Variants in ALDH4A1 observed in about 807,000 individuals in gnomAD.
ALDH4A1 encodes the protein delta-1-pyrroline-5-carboxylate dehydrogenase, mitochondrial.
Under a neutral mutation model 70.5 loss-of-function variants are expected in ALDH4A1, and 46 were observed. The observed-to-expected ratio is 0.65, with a 90% confidence interval of 0.51 to 0.83. The LOEUF is 0.83. Among genes scored for constraint, ALDH4A1 ranks in the 40% least tolerant of loss-of-function variants. ALDH4A1 has a pLI of 0.00. For missense variants in ALDH4A1, 749 were observed against 766.5 expected (o/e 0.98, Z 0.27); for synonymous variants, 323 against 324.3 (o/e 1.00, Z 0.04).
rs568253787 is a variant in ALDH4A1, at chr1:18,897,630, A to T, written c.62+4832T>A. On this transcript the variant is annotated intron_variant, in intron 1 of 14. Transcript: ENST00000375341. Reference sequence around the variant, plus strand: ...CGACCGTAGAATGATCTGTTTACGGATGAGGTTCAGAGTTACTCACTCCTG... The same window carrying T: ...CGACCGTAGAATGATCTGTTTACGGTTGAGGTTCAGAGTTACTCACTCCTG... Among the ~76,000 whole-genome samples the T allele has an allele frequency of 5.9e-5, 9 of 152,362 alleles. No homozygotes were observed. In the East Asian group the frequency reaches 1.7e-3, roughly 29 times the overall value.
In ALDH4A1 at chr1:18,889,509, C is replaced by T. The variant is rs896637516; in HGVS notation, c.157-55G>A. On this transcript the variant is annotated intron_variant, in intron 2 of 14. Transcript: ENST00000375341. ...CACCGCCTTCCTCGCTTCCTCCCATCTAAAACCCTAACGCAGAGTCCACAG... is the reference window on the plus strand; with the variant it reads ...CACCGCCTTCCTCGCTTCCTCCCATTTAAAACCCTAACGCAGAGTCCACAG... The T allele has an allele frequency of 5.3e-5, 78 of 1,467,532 alleles. No individual in the cohort carries two copies. The South Asian group carries it at 8.4e-4, about 16-fold the overall frequency. The allele number at this position is 1,467,532 out of a possible 1,614,324, so 90.9% of individuals were successfully genotyped here. A position where few individuals can be genotyped will look rare whatever the true frequency, so the allele number is the denominator to read the frequency against.
At chr1:18,889,232 A>C in intron 3 of ALDH4A1, 130 bp downstream of exon 3, 1 of 814,514 alleles carries the variant, frequency 1.2e-6, no homozygotes, top group Non-Finnish European at 2.0e-6. Context: ...AGAATTCAAA[A>C]TCTGGGGTGG....
Position 18,872,899 on chromosome 1 carries a change from G to A in ALDH4A1, c.1638C>T (p.Val546=), listed in dbSNP as rs1264783279. The change falls in exon 15 of 15, where the codon GTC becomes GTT. Residue 546 remains valine, a synonymous_variant. Transcript: ENST00000375341. The stretch of plus-strand genomic sequence containing the variant: ...CCAGGGGCTTATGTGTCTCCTTGAT[G>A]ACCTGCGGCGACGTCCAGCGCAGGA... ...HYILRWTSPQ[V]IKETHKPLGD... 3 of 1,613,994 alleles carry A rather than the reference G, an allele frequency of 1.9e-6. No individual in the cohort carries two copies. Among genetic ancestry groups the A allele is most frequent in the African/African-American group, 1.3e-5 (1 of 74,940 alleles).
At chr1:18,890,139 G>A (rs1322691312) in intron 1 of ALDH4A1, 34 bp from the exon 2 acceptor site, 8 of 1,553,336 alleles carry the variant, frequency 5.2e-6, no homozygotes, top group African/African-American at 4.1e-5. Flanking sequence ...GAGGCAGAGA[G>A]GTCAGCAGCG....
At position 18,883,216 on chromosome 1, in the gene ALDH4A1, G is replaced by A. The variant is rs373926482; in HGVS notation, c.604-18C>T. 8.4e-5 allele frequency: 135 copies of A among 1,613,012 alleles called. No individual in the cohort carries two copies. Among genetic ancestry groups the A allele is most frequent in the African/African-American group, 9.3e-5 (7 of 74,944 alleles). ...ACGAAGCCCTGGGGAAGGAGGCAGCGGTGAGATCAGGCCCATGGCATTGGG... is the reference window on the plus strand; with the variant it reads ...ACGAAGCCCTGGGGAAGGAGGCAGCAGTGAGATCAGGCCCATGGCATTGGG... On this transcript the variant is annotated intron_variant, in intron 6 of 14. Transcript: ENST00000375341.
chr1:18,885,456 G>GCCCCC lies in ALDH4A1; in HGVS notation c.453+16_453+17insGGGGG. The GCCCCC allele has an allele frequency of 3.7e-6, 2 of 541,846 alleles. No individual in the cohort carries two copies. The highest frequency in any genetic ancestry group is 1.8e-5 in the South Asian group (1 of 56,882). 33.6% of individuals were successfully genotyped at this position (541,846 alleles called of 1,614,324 possible). On this transcript the variant is annotated intron_variant, in intron 5 of 14. Coordinates refer to ENST00000375341, the MANE Select transcript of ALDH4A1 (RefSeq NM_003748.4). ...ACCCCACCCCGCCCCACCCACCCGG[G>GCCCCC]CCCACCAGCACCTCACCTGTCCCAC...
Position 18,877,520 on chromosome 1 carries a change from C to T in ALDH4A1, c.1033G>A (p.Gly345Ser). The change falls in exon 10 of 15, where the codon GGC (glycine) becomes AGC (serine). Residue 345 changes from glycine to serine, a missense_variant. Gly to Ser is a moderately conservative substitution (Grantham distance 56). Coordinates refer to ENST00000375341, the MANE Select transcript of ALDH4A1 (RefSeq NM_003748.4). ...GTLRSAFEYG[G>S]QKCSACSRLY... The stretch of plus-strand genomic sequence containing the variant: ...CGCGAGCACGCGGAACACTTCTGGC[C>T]ACCGTACTCGAAGGCTGAGCGGAGG... 1 of 1,611,590 alleles carries T rather than the reference C, an allele frequency of 6.2e-7. No individual in the cohort carries two copies. The highest frequency in any genetic ancestry group is 8.5e-7 in the Non-Finnish European group (1 of 1,179,276).
In ALDH4A1 at chr1:18,880,307, G is replaced by A. The variant is rs1934918694; in HGVS notation, c.867-934C>T. Reference sequence around the variant, plus strand: ...CAGATAACACCCGAAGTGACCAACAGGAGATTCATCTTCCCCCGAGCCCGC... The same window carrying A: ...CAGATAACACCCGAAGTGACCAACAAGAGATTCATCTTCCCCCGAGCCCGC... On this transcript the variant is annotated intron_variant, in intron 8 of 14. Coordinates refer to ENST00000375341, the MANE Select transcript of ALDH4A1 (RefSeq NM_003748.4). This position sits in a 1 kb window ranked among gnomAD's most constrained non-coding sequence, Gnocchi z 5.1. 2.0e-5 allele frequency among the ~76,000 whole-genome samples: 3 copies of A among 152,240 alleles called. No individual in the cohort carries two copies. In the South Asian group the frequency reaches 6.2e-4, roughly 32 times the overall value.
intron 1 of ALDH4A1, among the ~76,000 whole-genome samples, chr1:18,894,829 C>G (rs1371526354): frequency 6.6e-6 from 1 of 152,022 alleles, no homozygotes; most frequent in African/African-American, 2.4e-5. Context: ...CTAAGGACTC[C>G]CACCCATCAG....
intron 10 of ALDH4A1, 30 bp from the exon 11 acceptor site, chr1:18,877,285 G>A (rs1254811157): frequency 3.8e-6 from 6 of 1,594,350 alleles, no homozygotes; most frequent in Admixed American, 3.4e-5. Flanking sequence ...CAGAAGAGAC[G>A]AGTCACTGCA....
chr1:18,885,440 C>CCCCCCCCCCCCCCCCCCCCCCCCCA, intron 5 of ALDH4A1, 33 bp downstream of exon 5: 2 of 665,764 alleles, frequency 3.0e-6, no homozygotes, highest in Non-Finnish European at 5.4e-6. Context: ...CACCCCACCC[C>CCCCCCCCCCCCCCCCCCCCCCCCCA]GCCCCACCCA....
intron 11 of ALDH4A1, 88 bp from the exon 12 acceptor site, chr1:18,876,555 G>T: frequency 7.0e-7 from 1 of 1,426,348 alleles, no homozygotes; most frequent in Non-Finnish European, 9.4e-7. Flanking sequence ...CGAAACACCT[G>T]CACCTGAAGG....
At position 18,872,752 on chromosome 1, in the gene ALDH4A1, T is replaced by G; in HGVS notation, c.*93A>C. ...CGGATTATAGAAAGGCAGCTGTGCA[T>G]GAAGAAGGGGTGGAGGGGCTGGAGT... On this transcript the variant is annotated 3_prime_UTR_variant, in exon 15 of 15. Coordinates refer to ENST00000375341, the MANE Select transcript of ALDH4A1 (RefSeq NM_003748.4). 1.1e-6 allele frequency: 1 copy of G among 909,166 alleles called. No homozygotes were observed. The highest frequency in any genetic ancestry group is 1.8e-6 in the Non-Finnish European group (1 of 567,520). 56.3% of individuals were successfully genotyped at this position (909,166 alleles called of 1,614,324 possible). A position where few individuals can be genotyped will look rare whatever the true frequency, so the allele number is the denominator to read the frequency against.
intron 9 of ALDH4A1, 91 bp downstream of exon 9, chr1:18,879,209 G>T: frequency 7.5e-7 from 1 of 1,325,598 alleles, no homozygotes. Flanking sequence ...CTGACTTGTG[G>T]CTGGATCCCC....
intron 11 of ALDH4A1, among the ~76,000 whole-genome samples, chr1:18,876,889 A>G (rs1296784702): frequency 6.6e-6 from 1 of 152,168 alleles, no homozygotes; most frequent in Non-Finnish European, 1.5e-5. Flanking sequence ...ACGTGTTTAT[A>G]TGGAAAGACC....
intron 1 of ALDH4A1, among the ~76,000 whole-genome samples, chr1:18,896,825 A>G (rs556516732): frequency 2.0e-5 from 3 of 152,114 alleles, no homozygotes; most frequent in Admixed American, 1.3e-4. Flanking sequence ...CCCGGGAAGA[A>G]GAGGTTGGAG....
chr1:18,890,815 CCTCT>C, intron 1 of ALDH4A1: 1 of 985,492 alleles, frequency 1.0e-6, no homozygotes, highest in Non-Finnish European at 1.2e-6. Context: ...GACCCAAACT[CCTCT>C]CTCTAAGCTG....
chr1:18,877,376 C>G, intron 10 of ALDH4A1, 40 bp downstream of exon 10: 1 of 1,552,640 alleles, frequency 6.4e-7, no homozygotes, highest in Non-Finnish European at 8.7e-7. Context: ...ATCCCATCAG[C>G]CCCCCGCTGG....
chr1:18,897,628 G>A (rs1159466095), intron 1 of ALDH4A1, among the ~76,000 whole-genome samples: 4 of 152,214 alleles, frequency 2.6e-5, no homozygotes, highest in Non-Finnish European at 5.9e-5. Flanking sequence ...ATCTGTTTAC[G>A]GATGAGGTTC....
Sources: gnomAD v4.1 joint callset for allele counts (sites outside exome capture counted in the v4.1 genomes callset) on GRCh38, gnomAD v4.1.1 for gene constraint, Gnocchi (gnomAD v3.1) non-coding constraint, MANE v1.5 for transcripts, NCBI Gene and HGNC (gene_info 2026-07-23, HGNC 2026-07-21) for gene names.